Variants in CDIN1 observed in about 807,000 individuals in gnomAD.
CDIN1 encodes CDAN1 interacting nuclease 1, also known as CDAN1-interacting nuclease 1.
A neutral mutation model predicts 45.3 loss-of-function variants in CDIN1; 33 were observed. The observed-to-expected ratio is 0.73, with a 90% confidence interval of 0.55 to 0.97. CDIN1 has a LOEUF of 0.97. Ranked by LOEUF, CDIN1 falls within the 50% of genes least tolerant of loss-of-function variation. The probability of loss-of-function intolerance (pLI) is 0.00; values close to 1 mark genes in which losing one functional copy is unlikely to be tolerated. For synonymous variants in CDIN1, 118 were observed against 124.4 expected, an observed-to-expected ratio of 0.95 and a Z score of 0.34; for missense variants, 303 against 339.4, an observed-to-expected ratio of 0.89 and a Z score of 0.84.
chr15:36,710,311 C>T (rs912181173), intron 10 of CDIN1, among the ~76,000 whole-genome samples: 6 of 152,088 alleles, frequency 3.9e-5, no homozygotes, highest in African/African-American at 1.4e-4. Context: ...TATGCTTACT[C>T]AGACCTTAAA....
chr15:36,637,307 G>A (rs1163440976), intron 1 of CDIN1, among the ~76,000 whole-genome samples: 1 of 152,112 alleles, frequency 6.6e-6, no homozygotes, highest in Admixed American at 6.6e-5. Context: ...AAAAATATAT[G>A]AAAATATCTG....
intron 1 of CDIN1, among the ~76,000 whole-genome samples, chr15:36,612,496 T>A (rs1006311982): frequency 6.6e-6 from 1 of 152,194 alleles, no homozygotes; most frequent in African/African-American, 2.4e-5. Context: ...ATAGATGGGC[T>A]GGGTTTTATC....
intron 5 of CDIN1, among the ~76,000 whole-genome samples, chr15:36,661,944 A>G (rs1016154766): frequency 3.3e-5 from 5 of 152,202 alleles, no homozygotes; most frequent in African/African-American, 1.2e-4. Flanking sequence ...TCAATCCTCT[A>G]TAACTTATAA....
intron 1 of CDIN1, among the ~76,000 whole-genome samples, chr15:36,606,059 A>G (rs1045255467): frequency 1.3e-5 from 2 of 151,822 alleles, no homozygotes; most frequent in Non-Finnish European, 2.9e-5. Context: ...CGTGAGTGTT[A>G]TCTTACTCAT....
At chr15:36,784,366 T>TTCC (rs916290990) in intron 10 of CDIN1, among the ~76,000 whole-genome samples, 44 of 152,312 alleles carry the variant, frequency 2.9e-4, no homozygotes, top group African/African-American at 1.1e-3. Flanking sequence ...AAGCCAGTTA[T>TTCC]TCCTAGGGAG....
intron 5 of CDIN1, among the ~76,000 whole-genome samples, chr15:36,661,951 A>G (rs1268146746): frequency 6.6e-6 from 1 of 152,220 alleles, no homozygotes; most frequent in Non-Finnish European, 1.5e-5. Flanking sequence ...TCTATAACTT[A>G]TAAGGTGAAC....
intron 10 of CDIN1, among the ~76,000 whole-genome samples, chr15:36,769,459 A>G (rs1595576319): frequency 6.6e-6 from 1 of 152,298 alleles, no homozygotes; most frequent in South Asian, 2.1e-4. Flanking sequence ...TTGCTCTTCA[A>G]GGCCTTCAAC....
chr15:36,647,234 C>T (rs2040371898), intron 3 of CDIN1, among the ~76,000 whole-genome samples: 1 of 151,930 alleles, frequency 6.6e-6, no homozygotes, highest in Admixed American at 6.6e-5. Context: ...CTACTTTGCC[C>T]AGGCTGTTCT....
chr15:36,798,960 C>G (rs2054914795), intron 10 of CDIN1: 1 of 152,208 alleles, frequency 6.6e-6, no homozygotes, highest in African/African-American at 2.4e-5. Flanking sequence ...CACTGTCAGC[C>G]AGGCCTTGCC....
intron 1 of CDIN1, among the ~76,000 whole-genome samples, chr15:36,601,621 G>A (rs2038109079): frequency 6.6e-6 from 1 of 152,282 alleles, no homozygotes; most frequent in East Asian, 1.9e-4. Flanking sequence ...AGTCTGCCAT[G>A]AGGTCACAAA....
At chr15:36,716,396 A>G (rs1178968976) in intron 10 of CDIN1, among the ~76,000 whole-genome samples, 2 of 152,272 alleles carry the variant, frequency 1.3e-5, no homozygotes, top group South Asian at 2.1e-4. Context: ...GGGTAAGGGA[A>G]AAATAAATGA....
chr15:36,781,884 A>C (rs187700946), intron 10 of CDIN1, among the ~76,000 whole-genome samples: 2 of 152,226 alleles, frequency 1.3e-5, no homozygotes, highest in Non-Finnish European at 2.9e-5. Context: ...ACAGAGACAC[A>C]TAGATCCAGC....
At chr15:36,714,326 TGGTC>T (rs1365193977) in intron 10 of CDIN1, among the ~76,000 whole-genome samples, 2 of 152,146 alleles carry the variant, frequency 1.3e-5, no homozygotes, top group Non-Finnish European at 2.9e-5. Flanking sequence ...AATCTTATGT[TGGTC>T]GGTTGCTTTC....
At chr15:36,707,259 G>A (rs1410893219) in intron 8 of CDIN1, 1 of 152,088 alleles carries the variant, frequency 6.6e-6, no homozygotes, top group Non-Finnish European at 1.5e-5. Context: ...AATTATTACT[G>A]AATCAGCTTC....
At chr15:36,718,694 A>G (rs1356432038) in intron 10 of CDIN1, among the ~76,000 whole-genome samples, 1 of 151,714 alleles carries the variant, frequency 6.6e-6, no homozygotes, top group Non-Finnish European at 1.5e-5. Context: ...TTGATTTTCT[A>G]TACTGCAATA....
chr15:36,689,177 T>C (rs2042157406), intron 5 of CDIN1, among the ~76,000 whole-genome samples: 2 of 152,242 alleles, frequency 1.3e-5, no homozygotes, highest in South Asian at 4.1e-4. Flanking sequence ...ATACCACTGT[T>C]CTAAAATTTA....
At chr15:36,665,681 G>A (rs1172713186) in intron 5 of CDIN1, among the ~76,000 whole-genome samples, 1 of 47,492 alleles carries the variant, frequency 2.1e-5, no homozygotes, top group African/African-American at 6.6e-5. Context: ...GGACAGAGAT[G>A]GTCTTTCCCA....
intron 1 of CDIN1, chr15:36,617,855 G>A (rs934167226): frequency 4.0e-5 from 31 of 777,970 alleles, no homozygotes; most frequent in Non-Finnish European, 6.6e-5. Flanking sequence ...ATCCTTAAGA[G>A]AAGAAGTTAA....
chr15:36,587,061 T>C (rs764731305), intron 1 of CDIN1, among the ~76,000 whole-genome samples: 1 of 152,232 alleles, frequency 6.6e-6, no homozygotes, highest in Non-Finnish European at 1.5e-5. Flanking sequence ...GGTTATTTAG[T>C]CGCTGTACTA....
Sources: gnomAD v4.1 joint callset for allele counts (sites outside exome capture counted in the v4.1 genomes callset) on GRCh38, gnomAD v4.1.1 for gene constraint, MANE v1.5 for transcripts, NCBI Gene and HGNC (gene_info 2026-07-23, HGNC 2026-07-21) for gene names.